DENND1A: variants seen among roughly 807,000 people sequenced by gnomAD.
DENND1A encodes the protein DENN domain-containing protein 1A.
DENND1A carries 51 observed loss-of-function variants against 113.7 expected under a neutral mutation model. The ratio of observed to expected loss-of-function variants is 0.45; its 90% confidence interval spans 0.36 to 0.57. The LOEUF (loss-of-function observed/expected upper bound fraction) is 0.57. DENND1A is among the 20% of genes least tolerant of loss of function. The probability of loss-of-function intolerance (pLI) is 0.00; values close to 1 mark genes in which losing one functional copy is unlikely to be tolerated. For synonymous variants in DENND1A, 565 were observed against 570.8 expected, an observed-to-expected ratio of 0.99 and a Z score of 0.14; for missense variants, 1,258 against 1,395.9, an observed-to-expected ratio of 0.90 and a Z score of 1.57.
intron 2 of DENND1A, among the ~76,000 whole-genome samples, chr9:123,807,831 G>A (rs1462661756): frequency 6.6e-6 from 1 of 152,198 alleles, no homozygotes; most frequent in Non-Finnish European, 1.5e-5. Flanking sequence ...CAAGGTAAGT[G>A]TTGCTATCCC....
chr9:123,524,293 C>T (rs767375747), intron 13 of DENND1A, among the ~76,000 whole-genome samples: 1 of 152,216 alleles, frequency 6.6e-6, no homozygotes, highest in African/African-American at 2.4e-5. Context: ...ATGCTGTCAA[C>T]AATATGCTTC....
intron 2 of DENND1A, among the ~76,000 whole-genome samples, chr9:123,834,043 AGACTC>A (rs371944650): frequency 2.0e-5 from 3 of 152,240 alleles, no homozygotes; most frequent in African/African-American, 7.2e-5. Flanking sequence ...CGAAAGAGCA[AGACTC>A]TGTCTCAAAA....
chr9:123,647,390 C>CA (rs1410981798), intron 9 of DENND1A, among the ~76,000 whole-genome samples: 3 of 152,132 alleles, frequency 2.0e-5, no homozygotes, highest in Non-Finnish European at 4.4e-5. Context: ...CCAGCAGTGG[C>CA]AACAAGGACC....
At chr9:123,598,499 C>T (rs2059802420) in intron 11 of DENND1A, among the ~76,000 whole-genome samples, 1 of 147,666 alleles carries the variant, frequency 6.8e-6, no homozygotes, top group Admixed American at 6.7e-5. Context: ...GTCCCAAATG[C>T]ATCTCTCAGA....
In DENND1A at chr9:123,558,126, C is replaced by T. The variant is rs116487808; in HGVS notation, c.868-431G>A. On this transcript the variant is annotated intron_variant, in intron 12 of 23. Coordinates refer to ENST00000394215, the MANE Select transcript of DENND1A (RefSeq NM_001352964.2). ...CATGCCAGGTAAGCACTTTTGCATA[C>T]ATTTTACAATTTAGTTATTTTAACA... is the stretch of plus-strand genomic sequence containing the variant. Among the ~76,000 whole-genome samples, 312 of 152,302 alleles carry T rather than the reference C, an allele frequency of 2.0e-3. 1 individual carries two copies. The highest frequency in any genetic ancestry group is 7.2e-3 in the African/African-American group (299 of 41,556).
intron 7 of DENND1A, among the ~76,000 whole-genome samples, chr9:123,667,859 C>A (rs1300884994): frequency 6.6e-6 from 1 of 152,092 alleles, no homozygotes; most frequent in Non-Finnish European, 1.5e-5. Flanking sequence ...GGAAGAGTTC[C>A]AGTTGCTGGA....
intron 1 of DENND1A, among the ~76,000 whole-genome samples, chr9:123,928,225 T>G (rs565067289): frequency 7.2e-5 from 11 of 152,356 alleles, no homozygotes; most frequent in South Asian, 6.2e-4. Flanking sequence ...ACAGAGAGAT[T>G]TGATGGCTAG....
chr9:123,658,856 A>C (rs895932548), intron 8 of DENND1A, among the ~76,000 whole-genome samples: 1 of 152,170 alleles, frequency 6.6e-6, no homozygotes, highest in African/African-American at 2.4e-5. Flanking sequence ...TAATTATATA[A>C]CTTACACATA....
chr9:123,835,381 T>C (rs1419068673), intron 2 of DENND1A, among the ~76,000 whole-genome samples: 3 of 152,112 alleles, frequency 2.0e-5, no homozygotes, highest in African/African-American at 7.2e-5. Flanking sequence ...CAAACACATA[T>C]GGCAGCAAAA....
intron 2 of DENND1A, among the ~76,000 whole-genome samples, chr9:123,872,249 T>C (rs967227386): frequency 8.5e-5 from 13 of 152,202 alleles, no homozygotes; most frequent in Non-Finnish European, 1.8e-4. Flanking sequence ...TTTTTAAGCA[T>C]TTAAATTACA....
chr9:123,843,027 G>C (rs1321288923), intron 2 of DENND1A: 1 of 478,740 alleles, frequency 2.1e-6, no homozygotes, highest in Non-Finnish European at 4.2e-6. Context: ...AGCCACTCAA[G>C]AAAATACCAT....
At chr9:123,584,780 C>A (rs2059082405) in intron 11 of DENND1A, among the ~76,000 whole-genome samples, 1 of 152,158 alleles carries the variant, frequency 6.6e-6, no homozygotes, top group African/African-American at 2.4e-5. Context: ...TCCACCTCCT[C>A]ATCGTCAGAC....
intron 5 of DENND1A, among the ~76,000 whole-genome samples, chr9:123,724,770 T>G (rs1021637483): frequency 6.6e-6 from 1 of 152,092 alleles, no homozygotes; most frequent in Admixed American, 6.6e-5. Context: ...ATTCTGAAAA[T>G]AAAGACTAAG....
chr9:123,906,660 A>G (rs1852906263), intron 1 of DENND1A, among the ~76,000 whole-genome samples: 1 of 61,270 alleles, frequency 1.6e-5, no homozygotes, highest in East Asian at 3.3e-4. Flanking sequence ...TAAACCAGGA[A>G]GAAGTTGAAT....
chr9:123,433,814 C>T (rs977587297), intron 19 of DENND1A, among the ~76,000 whole-genome samples: 9 of 152,230 alleles, frequency 5.9e-5, no homozygotes, highest in African/African-American at 2.2e-4. Flanking sequence ...TGATGGGCCC[C>T]TCCCTTCCCC....
At chr9:123,637,413 T>C (rs2138889206) in intron 9 of DENND1A, among the ~76,000 whole-genome samples, 1 of 152,344 alleles carries the variant, frequency 6.6e-6, no homozygotes, top group South Asian at 2.1e-4. Flanking sequence ...CTTCGTAGTA[T>C]CATGGTGCCA....
At chr9:123,433,021 G>T (rs79003731) in intron 19 of DENND1A, among the ~76,000 whole-genome samples, 3,589 of 152,340 alleles carry the variant, frequency 0.024, 144 homozygotes, top group African/African-American at 0.079. Flanking sequence ...TGGGAAGACA[G>T]GGTTGGGTAG....
At chr9:123,769,444 A>T in intron 4 of DENND1A, 70 bp downstream of exon 4, 2 of 1,317,022 alleles carry the variant, frequency 1.5e-6, no homozygotes, top group African/African-American at 2.9e-5. Flanking sequence ...TAAGAATGGT[A>T]TGGTTTTTAT....
intron 21 of DENND1A, among the ~76,000 whole-genome samples, chr9:123,392,739 T>C (rs1417794188): frequency 6.6e-6 from 1 of 152,196 alleles, no homozygotes; most frequent in African/African-American, 2.4e-5. Flanking sequence ...CTGTGATTTG[T>C]GAGATTTTGG....
Sources: gnomAD v4.1 joint callset for allele counts (sites outside exome capture counted in the v4.1 genomes callset) on GRCh38, gnomAD v4.1.1 for gene constraint, MANE v1.5 for transcripts, NCBI Gene and HGNC (gene_info 2026-07-23, HGNC 2026-07-21) for gene names.